The following CLEC7A variants were observed in gnomAD, a reference collection of about 807,000 sequenced individuals.
The protein encoded by CLEC7A is C-type lectin domain family 7 member A.
CLEC7A carries 25 observed loss-of-function variants against 26.9 expected under a neutral mutation model. The observed-to-expected ratio is 0.93, with a 90% confidence interval of 0.68 to 1.30. The LOEUF (loss-of-function observed/expected upper bound fraction) is 1.30. CLEC7A is among the 50% of genes most tolerant of loss of function. The pLI is 0.00. For missense variants in CLEC7A, 275 were observed against 286.7 expected, an observed-to-expected ratio of 0.96 and a Z score of 0.29; for synonymous variants, 100 against 99.5, an observed-to-expected ratio of 1.01 and a Z score of -0.03.
intron 5 of CLEC7A, among the ~76,000 whole-genome samples, 164 bp downstream of exon 5, chr12:10,123,078 TCTC>T (rs1948147388): frequency 6.6e-6 from 1 of 152,072 alleles, no homozygotes; most frequent in Admixed American, 6.6e-5. Flanking sequence ...TCCTCATCTT[TCTC>T]CTCTTGTCCT....
At chr12:10,127,667 C>G (rs1393359832) in intron 2 of CLEC7A, 80 bp downstream of exon 2, 4 of 1,057,116 alleles carry the variant, frequency 3.8e-6, no homozygotes, top group Middle Eastern at 2.0e-4. Flanking sequence ...TTATGCATGT[C>G]AAGCCCTTAA....
At chr12:10,122,167 GA>G (rs372208084) in intron 5 of CLEC7A, among the ~76,000 whole-genome samples, 280 of 150,554 alleles carry the variant, frequency 1.9e-3, no homozygotes, top group African/African-American at 5.7e-3. Context: ...TGAGACAGAT[GA>G]AAAAACACAC....
At chr12:10,129,314 T>G (rs957082922) in intron 1 of CLEC7A, among the ~76,000 whole-genome samples, 5 of 152,236 alleles carry the variant, frequency 3.3e-5, no homozygotes, top group Non-Finnish European at 7.3e-5. Flanking sequence ...CTAGCCTTTC[T>G]ATCAAACAAG....
At chr12:10,129,514 A>G (rs1039116394) in intron 1 of CLEC7A, among the ~76,000 whole-genome samples, 2 of 152,226 alleles carry the variant, frequency 1.3e-5, no homozygotes, top group African/African-American at 2.4e-5. Flanking sequence ...GGTGCATTCA[A>G]TTTATCTTCA....
intron 2 of CLEC7A, chr12:10,127,197 A>T: frequency 8.8e-7 from 1 of 1,130,318 alleles, no homozygotes; most frequent in Non-Finnish European, 1.2e-6. Flanking sequence ...ATGTAAAAAA[A>T]ATATTAATCC....
At chr12:10,126,950 A>G in intron 2 of CLEC7A, 3 of 979,630 alleles carry the variant, frequency 3.1e-6, no homozygotes, top group Non-Finnish European at 4.2e-6. Flanking sequence ...GAAGGTGGAG[A>G]AGAAGAAATA....
rs1948243813 is a variant in CLEC7A, at chr12:10,125,358, C to T, written c.431G>A (p.Ser144Asn). The T allele has an allele frequency of 6.2e-7, 1 of 1,613,546 alleles. No homozygotes were observed. The highest frequency in any genetic ancestry group is 8.5e-7 in the Non-Finnish European group (1 of 1,179,838). Residue 144 changes from serine to asparagine, a missense_variant, in exon 4 of 6, where the codon AGT becomes AAT. Physicochemically the swap from Ser to Asn is conservative, Grantham distance 46. Transcript: ENST00000304084. The stretch of plus-strand genomic sequence containing the variant: ...GCCCAGTTGCCAGCATTGTCTTTTA[C>T]TTCCATCCCAGGAATTTAGTGACAT... ...FSMSLNSWDGSKRQCWQLGSN... is the reference protein window; with the variant it reads ...FSMSLNSWDGNKRQCWQLGSN...
At chr12:10,122,974 C>T (rs1156244738) in intron 5 of CLEC7A, among the ~76,000 whole-genome samples, 1 of 152,108 alleles carries the variant, frequency 6.6e-6, no homozygotes, top group Non-Finnish European at 1.5e-5. Flanking sequence ...GCCTGGACAA[C>T]TTCAAACATG....
At chr12:10,124,963 G>A (rs899504892) in intron 4 of CLEC7A, 15 of 258,646 alleles carry the variant, frequency 5.8e-5, no homozygotes, top group African/African-American at 2.7e-4. Flanking sequence ...CTGGGAGATC[G>A]AGGTAGGCAG....
At chr12:10,126,175 T>C in intron 3 of CLEC7A, 2 of 984,578 alleles carry the variant, frequency 2.0e-6, no homozygotes, top group Non-Finnish European at 2.4e-6. Context: ...TTTCTCCCTG[T>C]CATTCTTCCT....
At chr12:10,120,325 CAT>C (rs1321751588) in intron 5 of CLEC7A, among the ~76,000 whole-genome samples, 1 of 152,024 alleles carries the variant, frequency 6.6e-6, no homozygotes. Context: ...AGTTTTAAAA[CAT>C]ATATTACCTT....
chr12:10,126,183 CCTTT>C (rs1948276793), intron 3 of CLEC7A: 12 of 984,620 alleles, frequency 1.2e-5, no homozygotes, highest in Non-Finnish European at 1.3e-5. Context: ...TGTCATTCTT[CCTTT>C]CTAATGTCAT....
intron 1 of CLEC7A, among the ~76,000 whole-genome samples, chr12:10,128,601 T>A (rs1948385597): frequency 6.6e-6 from 1 of 152,168 alleles, no homozygotes; most frequent in African/African-American, 2.4e-5. Context: ...TGTTTTTTAT[T>A]CCTCTTTGTG....
At chr12:10,122,334 ATCTT>A (rs1196763886) in intron 5 of CLEC7A, among the ~76,000 whole-genome samples, 2 of 152,236 alleles carry the variant, frequency 1.3e-5, no homozygotes, top group African/African-American at 4.8e-5. Flanking sequence ...CGTTTAAAAT[ATCTT>A]TCTAAAATGC....
chr12:10,122,444 C>T (rs1948116588), intron 5 of CLEC7A, among the ~76,000 whole-genome samples: 1 of 151,560 alleles, frequency 6.6e-6, no homozygotes, highest in African/African-American at 2.4e-5. Context: ...CTTTTATACC[C>T]ATCTCACAAT....
intron 2 of CLEC7A, chr12:10,126,990 C>T (rs747396498): frequency 3.5e-5 from 47 of 1,334,932 alleles, no homozygotes; most frequent in Non-Finnish European, 4.4e-5. Context: ...AGGCAAATGT[C>T]ATAGAGTCAA....
intron 4 of CLEC7A, among the ~76,000 whole-genome samples, chr12:10,124,042 C>T (rs111908278): frequency 0.034 from 3,165 of 93,738 alleles, 108 homozygotes; most frequent in African/African-American, 0.077. Context: ...ACGCTACTTT[C>T]GTTAAGAAGT....
At chr12:10,125,614 CATT>C (rs1284731197) in intron 3 of CLEC7A, among the ~76,000 whole-genome samples, 166 bp from the exon 4 acceptor site, 10 of 152,156 alleles carry the variant, frequency 6.6e-5, no homozygotes, top group Non-Finnish European at 1.3e-4. Context: ...GATGAGAATA[CATT>C]AAAATCTTCC....
chr12:10,123,755 G>A (rs1275561817), intron 4 of CLEC7A, among the ~76,000 whole-genome samples: 7 of 79,016 alleles, frequency 8.9e-5, no homozygotes, highest in East Asian at 6.9e-4. Flanking sequence ...GCGACAGAGC[G>A]AGACTCCGTC....
Sources: allele counts gnomAD v4.1 joint callset (sites outside exome capture counted in the v4.1 genomes callset), GRCh38; gene constraint gnomAD v4.1.1; transcripts MANE v1.5; gene names NCBI Gene and HGNC (gene_info 2026-07-23, HGNC 2026-07-21).